The following HLCS variants were observed in gnomAD, a reference collection of about 807,000 sequenced individuals.
The protein encoded by HLCS is biotin--protein ligase.
In HLCS, 53 loss-of-function variants were observed where a neutral mutation model predicts 75.0. The observed-to-expected ratio is 0.71, with a 90% confidence interval of 0.57 to 0.89. HLCS has a LOEUF of 0.89. Ranked by LOEUF, HLCS falls within the 40% of genes least tolerant of loss-of-function variation. HLCS has a pLI of 0.00. For missense variants in HLCS, 966 were observed against 1,074.0 expected (o/e 0.90, Z 1.41); for synonymous variants, 431 against 428.6 (o/e 1.01, Z -0.07).
intron 6 of HLCS, among the ~76,000 whole-genome samples, chr21:36,877,770 C>G (rs1021295503): frequency 1.3e-5 from 2 of 152,126 alleles, no homozygotes; most frequent in Non-Finnish European, 2.9e-5. Flanking sequence ...AGCAGACCTG[C>G]ACTATGACAC....
rs527374534 is a variant in HLCS at position 36,923,521 on chromosome 21, C to G, written c.1620+6730G>C. ...TCACCAGGCCAGACAGCAAAGACCG[C>G]AACGCACAGAAGCCAGAATCATCAC... On this transcript the variant is annotated intron_variant, in intron 5 of 10. Transcript: ENST00000674895. Among the ~76,000 whole-genome samples, 10 of 152,310 alleles carry G rather than the reference C, an allele frequency of 6.6e-5. No homozygotes were observed. The South Asian group carries it at 2.1e-3, about 32-fold the overall frequency.
intron 6 of HLCS, among the ~76,000 whole-genome samples, chr21:36,867,706 C>A (rs1163285931): frequency 6.6e-6 from 1 of 152,242 alleles, no homozygotes; most frequent in Non-Finnish European, 1.5e-5. Flanking sequence ...TGGAACACTG[C>A]AGCCCAATGA....
At chr21:36,983,634 G>A (rs1044549570) in intron 1 of HLCS, among the ~76,000 whole-genome samples, 9 of 151,632 alleles carry the variant, frequency 5.9e-5, no homozygotes, top group South Asian at 2.1e-4. Flanking sequence ...TCAGGAGATC[G>A]AGACCATCCT....
At chr21:36,923,763 A>G (rs1161020261) in intron 5 of HLCS, among the ~76,000 whole-genome samples, 1 of 152,180 alleles carries the variant, frequency 6.6e-6, no homozygotes, top group Non-Finnish European at 1.5e-5. Flanking sequence ...CCCAAGTATG[A>G]TTTCTTTTGC....
chr21:36,896,875 A>G lies in HLCS; in HGVS notation c.1877T>C (p.Met626Thr), dbSNP rs2065031080. The change falls in exon 6 of 11, where the codon ATG (methionine) becomes ACG (threonine). Residue 626 changes from methionine (M) to threonine (T), a missense_variant. Met to Thr is a moderately conservative substitution (Grantham distance 81). Coordinates refer to ENST00000674895, the MANE Select transcript of HLCS (RefSeq NM_001352514.2). ...ILFAEVTPTT[M>T]RLLDGLMFQT... ...CACACCTTACCCATCCAGGAGACGC[A>G]TCGTTGTGGGGGTCACTTCGGCAAA... 6.2e-7 allele frequency: 1 copy of G among 1,614,086 alleles called. No homozygotes were observed. Among genetic ancestry groups the G allele is most frequent in the Non-Finnish European group, 8.5e-7 (1 of 1,179,990 alleles).
chr21:36,901,881 T>C (rs2065250142), intron 5 of HLCS, among the ~76,000 whole-genome samples: 1 of 152,142 alleles, frequency 6.6e-6, no homozygotes, highest in Admixed American at 6.5e-5. Flanking sequence ...CAACCAACAA[T>C]AGCAGTCCAT....
chr21:36,760,817 TCGAACAAGGCCACCCAGGCC>T (rs1252065788), intron 8 of HLCS, among the ~76,000 whole-genome samples: 6 of 152,112 alleles, frequency 3.9e-5, no homozygotes, highest in Admixed American at 1.3e-4. Context: ...GGACAGTGTC[TCGAACAAGGCCACCCAGGCC>T]TCTGCCTATC....
chr21:36,866,616 A>T (rs1318398285), intron 6 of HLCS, among the ~76,000 whole-genome samples: 1 of 152,236 alleles, frequency 6.6e-6, no homozygotes, highest in African/African-American at 2.4e-5. Context: ...GAGGAAACAC[A>T]GGGATCACAT....
chr21:36,756,262 C>A (rs976589227), intron 10 of HLCS, among the ~76,000 whole-genome samples: 1 of 151,670 alleles, frequency 6.6e-6, no homozygotes, highest in Non-Finnish European at 1.5e-5. Flanking sequence ...CACGGTGAAA[C>A]CCCACCTCCA....
chr21:36,961,675 C>T (rs375600410), intron 2 of HLCS, among the ~76,000 whole-genome samples: 34 of 152,022 alleles, frequency 2.2e-4, no homozygotes, highest in African/African-American at 6.8e-4. Context: ...AATTTGAGGC[C>T]GGGCGTGGTG....
intron 3 of HLCS, 44 bp downstream of exon 3, chr21:36,938,788 G>A (rs774308353): frequency 1.3e-6 from 2 of 1,585,938 alleles, no homozygotes; most frequent in Non-Finnish European, 8.6e-7. Flanking sequence ...ACAGGCATGA[G>A]CCACTATGCC....
chr21:36,921,104 TGTTTACCTAGG>T (rs1451152205), intron 5 of HLCS, among the ~76,000 whole-genome samples: 1 of 152,196 alleles, frequency 6.6e-6, no homozygotes, highest in Non-Finnish European at 1.5e-5. Context: ...ACTTACCAAA[TGTTTACCTAGG>T]GCATACAAAA....
upstream of HLCS, among the ~76,000 whole-genome samples, chr21:36,971,556 C>T (rs1028096419): frequency 3.3e-5 from 5 of 152,084 alleles, no homozygotes; most frequent in Admixed American, 6.6e-5. Flanking sequence ...CGGCTGGGCG[C>T]GGTGGCTCAC....
chr21:36,955,705 T>G (rs2146628253), intron 2 of HLCS, among the ~76,000 whole-genome samples: 1 of 152,266 alleles, frequency 6.6e-6, no homozygotes, highest in East Asian at 1.9e-4. Context: ...AAGTGTACAG[T>G]GTTTATAAAG....
At chr21:36,758,755 G>A (rs1032684136) in intron 9 of HLCS, among the ~76,000 whole-genome samples, 7 of 152,120 alleles carry the variant, frequency 4.6e-5, no homozygotes, top group Admixed American at 3.9e-4. Flanking sequence ...GGCCGAGGCG[G>A]GCGGATCATG....
At chr21:36,805,190 C>T (rs1246784749) in intron 6 of HLCS, among the ~76,000 whole-genome samples, 3 of 152,074 alleles carry the variant, frequency 2.0e-5, no homozygotes, top group Admixed American at 2.0e-4. Context: ...GTAAGATGTC[C>T]AGCTTGGGAA....
intron 5 of HLCS, among the ~76,000 whole-genome samples, chr21:36,905,782 T>C (rs1483772823): frequency 6.6e-6 from 1 of 152,038 alleles, no homozygotes; most frequent in Admixed American, 6.5e-5. Context: ...CTGGGCACAG[T>C]GGCTCACGTC....
rs1568950079 is a variant in HLCS at position 36,751,468 on chromosome 21, G to C, written c.*2778C>G. The C allele has an allele frequency of 1.3e-5, 2 of 152,338 alleles. No homozygotes were observed. The highest frequency in any genetic ancestry group is 2.9e-5 in the Non-Finnish European group (2 of 68,118). The allele number at this position is 152,338 out of a possible 1,614,324, so 9.4% of individuals were successfully genotyped here. ...CTCCTCTCTTTGTTCCCAGACTCCAGGGCAAGGGGCGACCATGCTGTATAT... is the reference window on the plus strand; with the variant it reads ...CTCCTCTCTTTGTTCCCAGACTCCACGGCAAGGGGCGACCATGCTGTATAT... On this transcript the variant is annotated 3_prime_UTR_variant, in exon 11 of 11. Transcript: ENST00000674895.
chr21:36,784,181 G>A (rs188544102), intron 6 of HLCS, among the ~76,000 whole-genome samples: 25 of 152,206 alleles, frequency 1.6e-4, no homozygotes, highest in Admixed American at 3.3e-4. Context: ...AAGCTACACC[G>A]CAGAAGTGGC....
Sources: gnomAD v4.1 joint callset for allele counts (sites outside exome capture counted in the v4.1 genomes callset) on GRCh38, gnomAD v4.1.1 for gene constraint, MANE v1.5 for transcripts, NCBI Gene and HGNC (gene_info 2026-07-23, HGNC 2026-07-21) for gene names.